KLHL1: variants seen among roughly 807,000 people sequenced by gnomAD.
KLHL1 encodes the protein kelch like family member 1, also known as kelch-like protein 1.
Under a neutral mutation model 77.7 loss-of-function variants are expected in KLHL1, and 47 were observed. That is an observed-to-expected ratio of 0.60 (90% confidence interval 0.48 to 0.77). KLHL1 has a LOEUF of 0.77. Among genes scored for constraint, KLHL1 ranks in the 30% least tolerant of loss-of-function variants. The pLI is 0.00. For synonymous variants in KLHL1, 360 were observed against 325.2 expected, an observed-to-expected ratio of 1.11 and a Z score of -1.15; for missense variants, 925 against 910.8, an observed-to-expected ratio of 1.02 and a Z score of -0.20.
intron 3 of KLHL1, among the ~76,000 whole-genome samples, chr13:69,948,156 GTTAA>G (rs1288089027): frequency 1.3e-5 from 2 of 152,080 alleles, no homozygotes; most frequent in Non-Finnish European, 2.9e-5. Context: ...TGTCTCCAGA[GTTAA>G]TTAATGAGAC....
chr13:70,079,011 A>C (rs894622527), intron 1 of KLHL1, among the ~76,000 whole-genome samples: 1 of 152,148 alleles, frequency 6.6e-6, no homozygotes, highest in African/African-American at 2.4e-5. Flanking sequence ...GCTAGCAGAG[A>C]AATGGAATAG....
At chr13:69,756,465 C>CT (rs981859857) in intron 7 of KLHL1, among the ~76,000 whole-genome samples, 7 of 152,080 alleles carry the variant, frequency 4.6e-5, no homozygotes, top group African/African-American at 1.7e-4. Context: ...GCAGAAACTA[C>CT]TTTTTTGTTA....
At chr13:70,030,472 A>T (rs567048889) in intron 1 of KLHL1, among the ~76,000 whole-genome samples, 9 of 152,380 alleles carry the variant, frequency 5.9e-5, no homozygotes, top group East Asian at 1.9e-4. Context: ...TGGAAACTGA[A>T]AAACCTGCTC....
intron 7 of KLHL1, among the ~76,000 whole-genome samples, chr13:69,789,270 ATGTC>A (rs141661386): frequency 5.9e-4 from 90 of 151,770 alleles, no homozygotes; most frequent in African/African-American, 1.8e-3. Flanking sequence ...ATTATTTTAC[ATGTC>A]TGTCTGTCTT....
At chr13:69,975,915 ATC>A in intron 1 of KLHL1, 113 bp from the exon 2 acceptor site, 2 of 1,254,122 alleles carry the variant, frequency 1.6e-6, no homozygotes, top group Non-Finnish European at 2.1e-6. Flanking sequence ...AAACTAATAT[ATC>A]TGTGTTTATT....
rs1456886686 is a variant in KLHL1, at chr13:69,851,234, G to A, written c.1228-12072C>T. Among the ~76,000 whole-genome samples, 2 of 151,520 alleles carry A rather than the reference G, an allele frequency of 1.3e-5. 1 individual carries two copies. The highest frequency in any genetic ancestry group is 3.9e-4 in the East Asian group (2 of 5,150). On this transcript the variant is annotated intron_variant, in intron 5 of 10. Transcript: ENST00000377844. ...TGTTATTTATAATTACATTTTGCAA[G>A]AAGATAATTAGAAAAGGATATATTC... is the stretch of plus-strand genomic sequence containing the variant.
At chr13:69,783,859 A>G (rs1412497210) in intron 7 of KLHL1, among the ~76,000 whole-genome samples, 1 of 151,480 alleles carries the variant, frequency 6.6e-6, no homozygotes, top group Non-Finnish European at 1.5e-5. Flanking sequence ...GAGAAGAGCA[A>G]CTCCAAGACA....
At chr13:69,799,239 G>C (rs1323508038) in intron 6 of KLHL1, among the ~76,000 whole-genome samples, 1 of 152,164 alleles carries the variant, frequency 6.6e-6, no homozygotes, top group Non-Finnish European at 1.5e-5. Context: ...GAAAGTACTT[G>C]AACAACTGTA....
At chr13:70,065,826 T>C (rs1194346353) in intron 1 of KLHL1, among the ~76,000 whole-genome samples, 1 of 152,000 alleles carries the variant, frequency 6.6e-6, no homozygotes, top group Non-Finnish European at 1.5e-5. Context: ...GATTAGCAGA[T>C]GGTAGTCAGA....
intron 1 of KLHL1, among the ~76,000 whole-genome samples, chr13:69,979,362 G>A (rs1884642277): frequency 6.6e-6 from 1 of 151,770 alleles, no homozygotes; most frequent in Admixed American, 6.6e-5. Flanking sequence ...CATGATCTAA[G>A]ACTTTAGCAG....
intron 4 of KLHL1, among the ~76,000 whole-genome samples, chr13:69,936,421 T>G (rs1593965542): frequency 1.7e-5 from 1 of 57,208 alleles, no homozygotes; most frequent in African/African-American, 4.3e-5. Context: ...AAACCTCGTC[T>G]CTACTAAAAA....
chr13:70,080,270 G>A (rs1043111089), intron 1 of KLHL1, among the ~76,000 whole-genome samples: 2 of 152,172 alleles, frequency 1.3e-5, no homozygotes, highest in Non-Finnish European at 2.9e-5. Context: ...AAAGACACCT[G>A]TCAACACTTG....
At chr13:69,805,102 T>C (rs1877561183) in intron 6 of KLHL1, among the ~76,000 whole-genome samples, 1 of 152,010 alleles carries the variant, frequency 6.6e-6, no homozygotes, top group Admixed American at 6.5e-5. Flanking sequence ...CCAGCACAAA[T>C]AAAAGTCTTT....
chr13:70,032,892 A>G (rs1177540628), intron 1 of KLHL1, among the ~76,000 whole-genome samples: 3 of 152,136 alleles, frequency 2.0e-5, no homozygotes, highest in African/African-American at 7.2e-5. Flanking sequence ...CCATTTTTTT[A>G]TGGTCATTAA....
chr13:69,883,715 C>A (rs1257927669), intron 4 of KLHL1, among the ~76,000 whole-genome samples: 2 of 152,174 alleles, frequency 1.3e-5, no homozygotes, highest in African/African-American at 4.8e-5. Flanking sequence ...TAGAGAAAAA[C>A]AAAATTGTAG....
At chr13:69,716,647 G>A (rs915801692) in intron 9 of KLHL1, among the ~76,000 whole-genome samples, 7 of 152,096 alleles carry the variant, frequency 4.6e-5, no homozygotes, top group African/African-American at 1.7e-4. Flanking sequence ...TGAGGGCAAA[G>A]GTGGTTCTGA....
intron 5 of KLHL1, among the ~76,000 whole-genome samples, chr13:69,857,052 G>T (rs931820009): frequency 2.6e-5 from 4 of 151,878 alleles, no homozygotes; most frequent in Non-Finnish European, 5.9e-5. Flanking sequence ...AGTAAATTCC[G>T]AACCTGATAG....
chr13:69,955,031 T>G (rs1883825049), intron 3 of KLHL1, among the ~76,000 whole-genome samples: 1 of 151,216 alleles, frequency 6.6e-6, no homozygotes, highest in South Asian at 2.1e-4. Context: ...AAAACCAGTC[T>G]TTGAAGGCTC....
At chr13:69,816,969 A>T (rs1228029846) in intron 6 of KLHL1, among the ~76,000 whole-genome samples, 1 of 151,792 alleles carries the variant, frequency 6.6e-6, no homozygotes, top group Non-Finnish European at 1.5e-5. Flanking sequence ...GAATAGTAAA[A>T]AAATAAATAA....
Sources: gnomAD v4.1 joint callset for allele counts (sites outside exome capture counted in the v4.1 genomes callset) on GRCh38, gnomAD v4.1.1 for gene constraint, MANE v1.5 for transcripts, NCBI Gene and HGNC (gene_info 2026-07-23, HGNC 2026-07-21) for gene names.